TANC1: variants seen among roughly 807,000 people sequenced by gnomAD.
TANC1 encodes protein TANC1.
Under a neutral mutation model 149.7 loss-of-function variants are expected in TANC1, and 77 were observed. That is an observed-to-expected ratio of 0.51 (90% CI 0.43 to 0.62). The LOEUF (loss-of-function observed/expected upper bound fraction) is 0.62, where lower values mean the gene tolerates loss of function less well. TANC1 is among the 20% of genes least tolerant of loss of function. The pLI is 0.00. For synonymous variants in TANC1, 854 were observed against 925.0 expected, an observed-to-expected ratio of 0.92 and a Z score of 1.39; for missense variants, 1,985 against 2,321.8, an observed-to-expected ratio of 0.85 and a Z score of 2.98.
In TANC1 at chr2:159,103,570, G is replaced by A. The variant is rs1476734204; in HGVS notation, c.259+5736G>A. On this transcript the variant is annotated intron_variant, in intron 4 of 26. Coordinates refer to ENST00000263635, the MANE Select transcript of TANC1 (RefSeq NM_033394.3). The stretch of plus-strand genomic sequence containing the variant: ...TCTTTCTTTGCATGAGACTGTGTCG[G>A]GAATTATGACAGCTGAGTCAGATCA... 2.1e-5 allele frequency among the ~76,000 whole-genome samples: 2 copies of A among 96,444 alleles called. 1 individual carries two copies. Among genetic ancestry groups the A allele is most frequent in the African/African-American group, 5.8e-5 (2 of 34,724 alleles). 63.3% of individuals were successfully genotyped at this position (96,444 alleles called of 152,430 possible).
intron 8 of TANC1, among the ~76,000 whole-genome samples, chr2:159,167,250 C>T (rs1466121423): frequency 6.6e-6 from 1 of 152,174 alleles, no homozygotes; most frequent in African/African-American, 2.4e-5. Context: ...AATATGGCTG[C>T]CTGCCCCTTC....
At chr2:158,974,525 C>T (rs796855399) in intron 1 of TANC1, among the ~76,000 whole-genome samples, 49 of 152,280 alleles carry the variant, frequency 3.2e-4, no homozygotes, top group African/African-American at 9.4e-4. Flanking sequence ...CTTTGCCTCC[C>T]GGGTTCAAGT....
chr2:159,117,587 G>A (rs540821993), intron 4 of TANC1, among the ~76,000 whole-genome samples: 29 of 151,916 alleles, frequency 1.9e-4, no homozygotes, highest in Non-Finnish European at 2.9e-4. Flanking sequence ...TAATAGAGAC[G>A]GGGTTTCACC....
chr2:159,228,039 T>C, intron 25 of TANC1, 74 bp downstream of exon 25: 1 of 1,515,466 alleles, frequency 6.6e-7, no homozygotes, highest in Non-Finnish European at 8.9e-7. Flanking sequence ...GGCCAGCCCT[T>C]CTCCAGACCA....
rs750218468 is a variant in TANC1, at chr2:159,175,156, G to T, written c.1707G>T (p.Val569=). The T allele has an allele frequency of 6.2e-7, 1 of 1,614,030 alleles. No homozygotes were observed. Among genetic ancestry groups the T allele is most frequent in the African/African-American group, 1.3e-5 (1 of 74,914 alleles). The part of the protein sequence containing the change: ...QDPVAAFKRG[V]LEPLTNLRNE... ...CGGTGGCAGCTTTCAAGAGGGGAGT[G>T]CTGGAGCCACTCACAAACCTGAGAA... The change falls in exon 12 of 27, where the codon GTG becomes GTT. Residue 569 remains valine (V), a synonymous_variant. Transcript: ENST00000263635.
intron 2 of TANC1, among the ~76,000 whole-genome samples, chr2:159,049,394 G>A (rs944004288): frequency 2.0e-5 from 3 of 152,178 alleles, no homozygotes; most frequent in Non-Finnish European, 2.9e-5. Flanking sequence ...AAGAATTTAT[G>A]TAAGTGTTGT....
intron 2 of TANC1, among the ~76,000 whole-genome samples, chr2:159,012,009 C>A (rs1345609748): frequency 1.3e-5 from 2 of 152,114 alleles, no homozygotes; most frequent in Non-Finnish European, 2.9e-5. Flanking sequence ...GTCACTAGAG[C>A]TTCTAGGAAG....
intron 3 of TANC1, among the ~76,000 whole-genome samples, chr2:159,066,239 T>C (rs1205498946): frequency 2.0e-5 from 3 of 152,100 alleles, no homozygotes; most frequent in Non-Finnish European, 4.4e-5. Context: ...AGAGACACTT[T>C]CCTCTACAAA....
At chr2:159,225,991 G>A (rs9678339) in intron 24 of TANC1, 252,766 of 583,830 alleles carry the variant, frequency 0.43, 61,469 homozygotes, top group Non-Finnish European at 0.55. Flanking sequence ...AGACCAACCT[G>A]GCCAATATGG....
chr2:159,042,896 G>A (rs576023311), intron 2 of TANC1, among the ~76,000 whole-genome samples: 1 of 152,282 alleles, frequency 6.6e-6, no homozygotes, highest in South Asian at 2.1e-4. Flanking sequence ...GGGTTTGAGA[G>A]AGGTTCTTGG....
At chr2:159,084,019 A>G (rs2044562501) in intron 3 of TANC1, among the ~76,000 whole-genome samples, 1 of 152,232 alleles carries the variant, frequency 6.6e-6, no homozygotes, top group Non-Finnish European at 1.5e-5. Context: ...TGGGAGGCCG[A>G]GGCGGGCGGA....
Position 159,178,675 on chromosome 2 carries a change from C to T in TANC1, c.2022C>T (p.Ile674=). Residue 674 remains isoleucine (I), a synonymous_variant, in exon 14 of 27, where the codon ATC becomes ATT. Transcript: ENST00000263635. ...ACAGGGTGCACAGCAGCCAGGACAT[C>T]CTCAGCAACATCTCCCTGAATGGCA... ...VQHRVHSSQD[I]LSNISLNGKA... The T allele has an allele frequency of 6.2e-7, 1 of 1,614,182 alleles. No individual in the cohort carries two copies. Among genetic ancestry groups the T allele is most frequent in the Non-Finnish European group, 8.5e-7 (1 of 1,180,038 alleles).
intron 1 of TANC1, among the ~76,000 whole-genome samples, chr2:158,999,825 G>T (rs983772668): frequency 6.6e-6 from 1 of 152,126 alleles, no homozygotes; most frequent in African/African-American, 2.4e-5. Flanking sequence ...ACTTTGATTC[G>T]CAATGGACAA....
chr2:158,977,259 A>T (rs2033795642), intron 1 of TANC1, among the ~76,000 whole-genome samples: 1 of 151,622 alleles, frequency 6.6e-6, no homozygotes, highest in African/African-American at 2.4e-5. Flanking sequence ...GTCCCCTCAG[A>T]CTCCCAAGTA....
At chr2:158,970,071 G>A (rs1192675894) in intron 1 of TANC1, among the ~76,000 whole-genome samples, 2 of 151,868 alleles carry the variant, frequency 1.3e-5, no homozygotes, top group African/African-American at 2.4e-5. Context: ...TTTGAGGAAA[G>A]GGCTCAAGAT....
intron 22 of TANC1, among the ~76,000 whole-genome samples, chr2:159,221,695 C>T (rs1365804978): frequency 2.0e-5 from 3 of 152,208 alleles, no homozygotes; most frequent in African/African-American, 7.2e-5. Context: ...CATAGTATTT[C>T]ATCATGTACA....
chr2:159,173,513 G>A (rs2055499065), intron 11 of TANC1, among the ~76,000 whole-genome samples: 1 of 152,214 alleles, frequency 6.6e-6, no homozygotes, highest in South Asian at 2.1e-4. Context: ...GCTGAGGCGG[G>A]AGAATCACTT....
chr2:159,041,063 ACC>A (rs1324983152), intron 2 of TANC1, among the ~76,000 whole-genome samples: 1 of 152,096 alleles, frequency 6.6e-6, no homozygotes. Context: ...TTCACTACAG[ACC>A]CTGTTTGCCT....
chr2:159,224,181 C>T (rs1575362187), intron 22 of TANC1, 51 bp from the exon 23 acceptor site: 1 of 1,609,788 alleles, frequency 6.2e-7, no homozygotes, highest in Non-Finnish European at 8.5e-7. Flanking sequence ...TCCGTGTGCG[C>T]CCCTGAACTC....
Sources: allele counts gnomAD v4.1 joint callset (sites outside exome capture counted in the v4.1 genomes callset), GRCh38; gene constraint gnomAD v4.1.1; transcripts MANE v1.5; gene names NCBI Gene and HGNC (gene_info 2026-07-23, HGNC 2026-07-21).